The following MAPKAPK2 variants were observed in gnomAD, a reference collection of about 807,000 sequenced individuals.
The protein encoded by MAPKAPK2 is MAP kinase-activated protein kinase 2.
Under a neutral mutation model 48.8 loss-of-function variants are expected in MAPKAPK2, and 9 were observed. The observed-to-expected ratio is 0.18, with a 90% CI of 0.11 to 0.32. The LOEUF (loss-of-function observed/expected upper bound fraction) is 0.32, where lower values mean the gene tolerates loss of function less well. Among genes scored for constraint, MAPKAPK2 ranks in the 10% least tolerant of loss-of-function variants. The pLI, the probability that MAPKAPK2 is intolerant of heterozygous loss-of-function variation, is 1.00. For missense variants in MAPKAPK2, 331 were observed against 498.3 expected, an observed-to-expected ratio of 0.66 and a Z score of 3.20; for synonymous variants, 202 against 190.6, an observed-to-expected ratio of 1.06 and a Z score of -0.49.
intron 1 of MAPKAPK2, among the ~76,000 whole-genome samples, chr1:206,712,962 T>TCAAACACA (rs1673203303): frequency 8.9e-6 from 1 of 112,230 alleles, no homozygotes; most frequent in Non-Finnish European, 1.8e-5. Flanking sequence ...TGAGACTCCA[T>TCAAACACA]CACACACACA....
At chr1:206,686,317 T>C (rs915779776) in intron 1 of MAPKAPK2, among the ~76,000 whole-genome samples, 1 of 152,218 alleles carries the variant, frequency 6.6e-6, no homozygotes, top group African/African-American at 2.4e-5. Flanking sequence ...TGATGGGCAG[T>C]CTGAGGAAAC....
chr1:206,696,359 C>T, intron 1 of MAPKAPK2: 1 of 693,258 alleles, frequency 1.4e-6, no homozygotes, highest in Non-Finnish European at 2.6e-6. Context: ...AAACCTACAT[C>T]TTCATTATTT....
rs1447215999 is a variant in MAPKAPK2, at chr1:206,732,785, G to A, written c.*67G>A. The stretch of plus-strand genomic sequence containing the variant: ...CTCTACAGGAATATATTTTTTAAAC[G>A]AAGAGACAGAACTGTCCACATCTGC... On this transcript the variant is annotated 3_prime_UTR_variant, in exon 10 of 10. Transcript: ENST00000367103. The surrounding 1 kb of genome is among the most constrained non-coding windows in gnomAD (Gnocchi z 4.4). 1.7e-5 allele frequency: 26 copies of A among 1,566,332 alleles called. No homozygotes were observed. The highest frequency in any genetic ancestry group is 1.7e-4 in the Middle Eastern group (1 of 5,820).
chr1:206,687,402 A>T (rs1672320590), intron 1 of MAPKAPK2, among the ~76,000 whole-genome samples: 1 of 152,240 alleles, frequency 6.6e-6, no homozygotes, highest in Non-Finnish European at 1.5e-5. Context: ...CTCATAGTTT[A>T]TCCCTCTCAG....
At chr1:206,695,913 C>T in intron 1 of MAPKAPK2, 1 of 631,956 alleles carries the variant, frequency 1.6e-6, no homozygotes, top group South Asian at 1.8e-5. Context: ...GATCTTCATA[C>T]CTGAGCGGGC....
intron 1 of MAPKAPK2, among the ~76,000 whole-genome samples, chr1:206,717,853 G>C (rs1444374873): frequency 6.7e-6 from 1 of 150,236 alleles, no homozygotes; most frequent in Non-Finnish European, 1.5e-5. Flanking sequence ...ACAATACATA[G>C]AGATATAAAA....
chr1:206,711,082 G>C (rs1466764418), intron 1 of MAPKAPK2, among the ~76,000 whole-genome samples: 1 of 152,234 alleles, frequency 6.6e-6, no homozygotes, highest in Admixed American at 6.5e-5. Context: ...TTATGGTTCC[G>C]CATTACTGTG....
intron 1 of MAPKAPK2, among the ~76,000 whole-genome samples, chr1:206,712,755 C>G (rs782675171): frequency 1.9e-4 from 29 of 151,952 alleles, no homozygotes; most frequent in Non-Finnish European, 3.4e-4. Context: ...GACTTGAGGT[C>G]AGGAGTTTGA....
chr1:206,716,094 T>C (rs974373075), intron 1 of MAPKAPK2, among the ~76,000 whole-genome samples: 12 of 151,434 alleles, frequency 7.9e-5, no homozygotes, highest in African/African-American at 2.9e-4. Flanking sequence ...TTTTGCTAGC[T>C]GAAGTATTTT....
In MAPKAPK2 at chr1:206,704,251, CT is replaced by C. The variant is rs1672886173; in HGVS notation, c.279+18744del. ...TCTGGGAAATGTTGAAGATTTACGCCTGTCTGAGTGTCTCTCACTCGTTGTT... is the reference window on the plus strand; with the variant it reads ...TCTGGGAAATGTTGAAGATTTACGCCGTCTGAGTGTCTCTCACTCGTTGTT... On this transcript the variant is annotated intron_variant, in intron 1 of 9. Coordinates refer to ENST00000367103, the MANE Select transcript of MAPKAPK2 (RefSeq NM_032960.4). The surrounding 1 kb of genome is among the most constrained non-coding windows in gnomAD (Gnocchi z 4.3). Among the ~76,000 whole-genome samples the C allele has an allele frequency of 6.6e-6, 1 of 152,200 alleles. No individual in the cohort carries two copies. The highest frequency in any genetic ancestry group is 2.4e-5 in the African/African-American group (1 of 41,442).
intron 1 of MAPKAPK2, among the ~76,000 whole-genome samples, chr1:206,700,003 C>CTTTT (rs574216957): frequency 1.6e-5 from 2 of 126,352 alleles, no homozygotes; most frequent in African/African-American, 2.9e-5. Context: ...CTTCTTCTTA[C>CTTTT]TTTTTTTTTT....
Position 206,685,271 on chromosome 1 carries a change from C to A in MAPKAPK2, c.42C>A (p.Phe14Leu). The A allele has an allele frequency of 1.0e-5, 5 of 495,814 alleles. No homozygotes were observed. The highest frequency in any genetic ancestry group is 6.3e-6 in the Non-Finnish European group (2 of 315,308). The allele number at this position is 495,814 out of a possible 1,614,324, so 30.7% of individuals were successfully genotyped here. Residue 14 changes from phenylalanine (F) to leucine (L), a missense_variant, in exon 1 of 10, where the codon TTC becomes TTA. Physicochemically the swap from Phe to Leu is conservative, Grantham distance 22. Coordinates refer to ENST00000367103, the MANE Select transcript of MAPKAPK2 (RefSeq NM_032960.4). ...NSQGQSPPVP[F>L]PAPAPPPQPP... ...AGGGCCAGAGCCCGCCGGTGCCGTT[C>A]CCCGCCCCGGCCCCGCCGCCGCAGC...
intron 1 of MAPKAPK2, chr1:206,695,939 C>T (rs1672609498): frequency 3.0e-6 from 2 of 673,526 alleles, no homozygotes; most frequent in Non-Finnish European, 2.7e-6. Flanking sequence ...CCCTGAGGGC[C>T]ACCTGGGCCC....
chr1:206,732,081 C>A lies in MAPKAPK2; in HGVS notation c.1059+162C>A, dbSNP rs1553432816. ...AACAGCGACCAGGCCACTTGGCTGACCAGGTTGTGAGCAGAGGATTCTGTG... is the reference window on the plus strand; with the variant it reads ...AACAGCGACCAGGCCACTTGGCTGAACAGGTTGTGAGCAGAGGATTCTGTG... On this transcript the variant is annotated intron_variant, in intron 9 of 9. Coordinates refer to ENST00000367103, the MANE Select transcript of MAPKAPK2 (RefSeq NM_032960.4). The surrounding 1 kb of genome is among the most constrained non-coding windows in gnomAD (Gnocchi z 4.4). The A allele has an allele frequency of 6.2e-7, 1 of 1,614,048 alleles. No individual in the cohort carries two copies. The highest frequency in any genetic ancestry group is 1.3e-5 in the African/African-American group (1 of 74,918).
intron 1 of MAPKAPK2, among the ~76,000 whole-genome samples, chr1:206,711,447 C>T (rs1241875852): frequency 5.3e-5 from 8 of 151,628 alleles, no homozygotes; most frequent in South Asian, 2.1e-4. Context: ...GATGGGGTTT[C>T]GCCATGTTGG....
chr1:206,716,499 T>G (rs1673340700), intron 1 of MAPKAPK2, among the ~76,000 whole-genome samples: 1 of 152,178 alleles, frequency 6.6e-6, no homozygotes, highest in Admixed American at 6.5e-5. Flanking sequence ...TGTGTGTGTG[T>G]GGGCCGCCCT....
chr1:206,729,864 A>G, intron 4 of MAPKAPK2, 108 bp from the exon 5 acceptor site: 2 of 1,420,820 alleles, frequency 1.4e-6, no homozygotes, highest in Non-Finnish European at 9.7e-7. Context: ...AGGATAGGCA[A>G]ATGGTTGCTG....
intron 1 of MAPKAPK2, among the ~76,000 whole-genome samples, chr1:206,691,482 G>GATAGATAT (rs371759587): frequency 5.2e-5 from 4 of 77,294 alleles, no homozygotes; most frequent in African/African-American, 1.3e-4. Context: ...TGTATTTTAA[G>GATAGATAT]ATATATATAT....
intron 1 of MAPKAPK2, among the ~76,000 whole-genome samples, chr1:206,708,332 C>T (rs1001398320): frequency 5.3e-5 from 8 of 152,276 alleles, no homozygotes; most frequent in African/African-American, 7.2e-5. Flanking sequence ...TCCTATTCCT[C>T]CTCACAACTT....
Sources: gnomAD v4.1 joint callset for allele counts (sites outside exome capture counted in the v4.1 genomes callset) on GRCh38, gnomAD v4.1.1 for gene constraint, Gnocchi (gnomAD v3.1) non-coding constraint, MANE v1.5 for transcripts, NCBI Gene and HGNC (gene_info 2026-07-23, HGNC 2026-07-21) for gene names.